ADAM32: variants seen among roughly 807,000 people sequenced by gnomAD.
ADAM32 encodes disintegrin and metalloproteinase domain-containing protein 32.
Under a neutral mutation model 114.9 loss-of-function variants are expected in ADAM32, and 89 were observed. That is an observed-to-expected ratio of 0.77 (90% CI 0.65 to 0.92). ADAM32 has a LOEUF of 0.92. Ranked by LOEUF, ADAM32 falls within the 40% of genes least tolerant of loss-of-function variation. The probability of loss-of-function intolerance (pLI) is 0.00; values close to 1 mark genes in which losing one functional copy is unlikely to be tolerated. For synonymous variants in ADAM32, 285 were observed against 307.5 expected, an observed-to-expected ratio of 0.93 and a Z score of 0.77; for missense variants, 870 against 932.8, an observed-to-expected ratio of 0.93 and a Z score of 0.88.
intron 24 of ADAM32, among the ~76,000 whole-genome samples, chr8:39,283,982 T>C (rs1424771246): frequency 6.6e-6 from 1 of 152,046 alleles, no homozygotes; most frequent in Non-Finnish European, 1.5e-5. Flanking sequence ...CCATGTTGGC[T>C]AGGCTGGTCT....
At chr8:39,239,155 T>G (rs1810391315) in intron 16 of ADAM32, among the ~76,000 whole-genome samples, 1 of 152,022 alleles carries the variant, frequency 6.6e-6, no homozygotes. Context: ...GAAAGAAGCT[T>G]AAGAGCTGGG....
At chr8:39,135,795 T>A (rs1802765584) in intron 2 of ADAM32, among the ~76,000 whole-genome samples, 1 of 152,164 alleles carries the variant, frequency 6.6e-6, no homozygotes, top group Non-Finnish European at 1.5e-5. Flanking sequence ...TCAGTGAATT[T>A]TAGGGAAGAT....
At chr8:39,251,850 T>C (rs1042570723) in intron 17 of ADAM32, among the ~76,000 whole-genome samples, 10 of 151,814 alleles carry the variant, frequency 6.6e-5, no homozygotes, top group Non-Finnish European at 1.0e-4. Flanking sequence ...ATAGTTTTGG[T>C]TCTTAGATTT....
chr8:39,265,076 G>T (rs998032457), intron 19 of ADAM32, among the ~76,000 whole-genome samples: 5 of 152,058 alleles, frequency 3.3e-5, no homozygotes, highest in Non-Finnish European at 5.9e-5. Flanking sequence ...ACTTTCAGGG[G>T]GTGTTGAAGT....
chr8:39,254,475 T>C lies in ADAM32; in HGVS notation c.1964T>C (p.Ile655Thr). Reference protein sequence around the residue: ...SPGYKPPNCQIRSKGFSIFPE... With the variant: ...SPGYKPPNCQTRSKGFSIFPE... ...GGCTATAAGCCTCCAAACTGCCAAA[T>C]ACGTTCCAAAGGATTTTCCATATTT... The change falls in exon 18 of 25, where the codon ATA (isoleucine) becomes ACA (threonine). Residue 655 changes from isoleucine to threonine, a missense_variant. Physicochemically the swap from Ile to Thr is moderately conservative, Grantham distance 89 (BLOSUM62 -1). Transcript: ENST00000379907. 2.5e-6 allele frequency: 4 copies of C among 1,599,720 alleles called. No individual in the cohort carries two copies. Among genetic ancestry groups the C allele is most frequent in the Non-Finnish European group, 3.4e-6 (4 of 1,172,466 alleles).
In ADAM32 at chr8:39,197,920, G is replaced by A. The variant is rs192976683; in HGVS notation, c.1052+10875G>A. Among the ~76,000 whole-genome samples, 86 of 152,222 alleles carry A rather than the reference G, an allele frequency of 5.6e-4. 2 individuals are homozygous for A. The South Asian group carries it at 0.016, about 29-fold the overall frequency. On this transcript the variant is annotated intron_variant, in intron 11 of 24. Coordinates refer to ENST00000379907, the MANE Select transcript of ADAM32 (RefSeq NM_145004.7). ...GTCCAATGCTTCAAGAGGGGTGTTG[G>A]AGTCAACAACTATTATTGTATTGGG... is the stretch of plus-strand genomic sequence containing the variant.
intron 17 of ADAM32, among the ~76,000 whole-genome samples, chr8:39,253,079 C>T (rs1226729709): frequency 1.3e-5 from 2 of 151,522 alleles, no homozygotes; most frequent in African/African-American, 4.8e-5. Context: ...ATATTTGCCG[C>T]ACGTTAAAAG....
rs755556926 is a variant in ADAM32, at chr8:39,233,891, G to T, written c.1635-8G>T. 2 of 1,468,998 alleles carry T rather than the reference G, an allele frequency of 1.4e-6. No individual in the cohort carries two copies. The highest frequency in any genetic ancestry group is 2.3e-5 in the Admixed American group (1 of 43,234). The allele number at this position is 1,468,998 out of a possible 1,614,324, so 91.0% of individuals were successfully genotyped here. On this transcript the variant is annotated splice_polypyrimidine_tract_variant and splice_region_variant and intron_variant, in intron 15 of 24. Coordinates refer to ENST00000379907, the MANE Select transcript of ADAM32 (RefSeq NM_145004.7). ...TATAATAATCATATATATTTTTTAT[G>T]TTTTCAGGAATCTTATATGTGGAAG...
At chr8:39,189,375 A>T (rs560786322) in intron 11 of ADAM32, among the ~76,000 whole-genome samples, 5 of 152,174 alleles carry the variant, frequency 3.3e-5, no homozygotes, top group Admixed American at 2.0e-4. Flanking sequence ...GAGAATATTC[A>T]TATGTATTTG....
intron 11 of ADAM32, among the ~76,000 whole-genome samples, chr8:39,196,226 T>TA (rs1806977889): frequency 6.6e-6 from 1 of 152,110 alleles, no homozygotes; most frequent in African/African-American, 2.4e-5. Context: ...TTGATCAGTT[T>TA]TTAGAGTTTT....
chr8:39,272,107 A>G (rs1212554811), intron 20 of ADAM32, among the ~76,000 whole-genome samples: 9 of 150,520 alleles, frequency 6.0e-5, no homozygotes, highest in African/African-American at 1.9e-4. Flanking sequence ...TCCAGAAAAA[A>G]AAAAAAAAAA....
intron 10 of ADAM32, among the ~76,000 whole-genome samples, chr8:39,179,265 G>C (rs998676036): frequency 2.6e-5 from 4 of 152,204 alleles, no homozygotes; most frequent in Non-Finnish European, 4.4e-5. Context: ...GAAGCACAGA[G>C]ATGTGGCCGC....
intron 12 of ADAM32, among the ~76,000 whole-genome samples, chr8:39,211,941 T>A (rs1352165303): frequency 1.3e-5 from 2 of 152,174 alleles, no homozygotes; most frequent in Non-Finnish European, 2.9e-5. Flanking sequence ...ATCACATTAT[T>A]TTAATTACTG....
intron 16 of ADAM32, among the ~76,000 whole-genome samples, chr8:39,243,534 G>A (rs1564671974): frequency 6.6e-6 from 1 of 152,086 alleles, no homozygotes; most frequent in Non-Finnish European, 1.5e-5. Context: ...AAAATCAGAT[G>A]ATCATTTCAA....
chr8:39,246,730 T>G (rs745501162), intron 17 of ADAM32, among the ~76,000 whole-genome samples: 1 of 152,218 alleles, frequency 6.6e-6, no homozygotes, highest in Non-Finnish European at 1.5e-5. Flanking sequence ...CCAGTTTACA[T>G]TAGGATTCAC....
At chr8:39,257,713 C>A (rs1324468381) in intron 19 of ADAM32, among the ~76,000 whole-genome samples, 2 of 152,060 alleles carry the variant, frequency 1.3e-5, no homozygotes, top group Non-Finnish European at 2.9e-5. Flanking sequence ...ATTCACATTG[C>A]TGGCTCATAT....
chr8:39,180,872 T>A (rs1419345550), intron 10 of ADAM32, among the ~76,000 whole-genome samples: 2 of 152,286 alleles, frequency 1.3e-5, no homozygotes, highest in African/African-American at 2.4e-5. Context: ...TCTGTCTAGC[T>A]CAGGGTTTGT....
chr8:39,118,604 T>C (rs1235944139), intron 2 of ADAM32, among the ~76,000 whole-genome samples: 1 of 152,204 alleles, frequency 6.6e-6, no homozygotes, highest in Non-Finnish European at 1.5e-5. Flanking sequence ...ATTTTGTTCA[T>C]TGATTTATTT....
At chr8:39,268,054 A>G (rs1021668729) in intron 19 of ADAM32, among the ~76,000 whole-genome samples, 5 of 152,252 alleles carry the variant, frequency 3.3e-5, no homozygotes, top group Admixed American at 3.3e-4. Context: ...TGTATTTAAC[A>G]TGAACATTCA....
Sources: allele counts gnomAD v4.1 joint callset (sites outside exome capture counted in the v4.1 genomes callset), GRCh38; gene constraint gnomAD v4.1.1; transcripts MANE v1.5; gene names NCBI Gene and HGNC (gene_info 2026-07-23, HGNC 2026-07-21).